LARP4: variants seen among roughly 807,000 people sequenced by gnomAD.
LARP4 encodes the protein La ribonucleoprotein 4, also known as la-related protein 4.
A neutral mutation model predicts 92.9 loss-of-function variants in LARP4; 29 were observed. That is an observed-to-expected ratio of 0.31 (90% CI 0.23 to 0.43). The LOEUF is 0.43. LARP4 is among the 20% of genes least tolerant of loss of function. The probability of loss-of-function intolerance (pLI) is 1.00; values close to 1 mark genes in which losing one functional copy is unlikely to be tolerated. For missense variants in LARP4, 732 were observed against 860.0 expected, an observed-to-expected ratio of 0.85 and a Z score of 1.86; for synonymous variants, 279 against 284.1, an observed-to-expected ratio of 0.98 and a Z score of 0.18.
chr12:50,436,515 C>T (rs965184352), intron 5 of LARP4, among the ~76,000 whole-genome samples: 6 of 152,108 alleles, frequency 3.9e-5, no homozygotes, highest in Non-Finnish European at 8.8e-5. Context: ...ACACCATATA[C>T]CTACACCTGA....
chr12:50,419,748 C>T (rs1480410646), intron 1 of LARP4, among the ~76,000 whole-genome samples: 1 of 151,916 alleles, frequency 6.6e-6, no homozygotes, highest in African/African-American at 2.4e-5. Flanking sequence ...TCTACAAAAA[C>T]AAAAACAACC....
chr12:50,434,488 G>A (rs1024097041), intron 4 of LARP4, among the ~76,000 whole-genome samples: 1 of 148,248 alleles, frequency 6.7e-6, no homozygotes, highest in Non-Finnish European at 1.5e-5. Flanking sequence ...GCGTGATCTC[G>A]GCTCATTGCA....
intron 8 of LARP4, among the ~76,000 whole-genome samples, chr12:50,451,875 G>T (rs1223626201): frequency 6.6e-6 from 1 of 151,920 alleles, no homozygotes; most frequent in Non-Finnish European, 1.5e-5. Flanking sequence ...GTGTTGGTGG[G>T]TGCCTCTAAT....
At chr12:50,455,681 C>G (rs1436671964) in intron 10 of LARP4, among the ~76,000 whole-genome samples, 1 of 152,146 alleles carries the variant, frequency 6.6e-6, no homozygotes, top group Non-Finnish European at 1.5e-5. Flanking sequence ...ATTCTTCTCA[C>G]TGGAAACATT....
chr12:50,469,978 G>A (rs1956726565), intron 13 of LARP4, among the ~76,000 whole-genome samples: 1 of 152,074 alleles, frequency 6.6e-6, no homozygotes, highest in Admixed American at 6.5e-5. Context: ...CCAGCACTGT[G>A]GGGGTCCAAG....
intron 12 of LARP4, among the ~76,000 whole-genome samples, chr12:50,463,170 G>A (rs149094527): frequency 1.6e-4 from 24 of 151,092 alleles, no homozygotes; most frequent in African/African-American, 4.4e-4. Flanking sequence ...GCCAGGCACC[G>A]TGGCTCGTGC....
At chr12:50,450,506 T>G (rs1433423002) in intron 8 of LARP4, among the ~76,000 whole-genome samples, 1 of 152,174 alleles carries the variant, frequency 6.6e-6, no homozygotes, top group African/African-American at 2.4e-5. Flanking sequence ...CAATTTAAAT[T>G]CAGGCTGTAT....
intron 1 of LARP4, among the ~76,000 whole-genome samples, chr12:50,410,311 G>A (rs1396738493): frequency 1.3e-5 from 2 of 151,800 alleles, no homozygotes; most frequent in African/African-American, 2.4e-5. Context: ...GGCCTCAAAC[G>A]ATCCTCCCAT....
intron 1 of LARP4, among the ~76,000 whole-genome samples, chr12:50,418,061 A>G (rs887282302): frequency 4.6e-5 from 7 of 152,210 alleles, no homozygotes; most frequent in Non-Finnish European, 8.8e-5. Context: ...GGGTTTCACC[A>G]CATTGGCCAG....
At chr12:50,419,320 G>A (rs1356430254) in intron 1 of LARP4, among the ~76,000 whole-genome samples, 2 of 152,152 alleles carry the variant, frequency 1.3e-5, no homozygotes, top group Non-Finnish European at 2.9e-5. Flanking sequence ...AGCCTTGATG[G>A]TGCCACTGCA....
chr12:50,414,513 G>A (rs1223831876), intron 1 of LARP4, among the ~76,000 whole-genome samples: 1 of 152,154 alleles, frequency 6.6e-6, no homozygotes, highest in African/African-American at 2.4e-5. Context: ...GTGTTGCCCA[G>A]GCTGATCTTG....
intron 1 of LARP4, among the ~76,000 whole-genome samples, chr12:50,415,113 G>C (rs1446378932): frequency 6.6e-6 from 1 of 152,170 alleles, no homozygotes; most frequent in African/African-American, 2.4e-5. Flanking sequence ...TGAGGCAGGA[G>C]AATCGCTTGA....
intron 1 of LARP4, among the ~76,000 whole-genome samples, chr12:50,423,307 T>G (rs529961728): frequency 6.6e-6 from 1 of 152,346 alleles, no homozygotes; most frequent in South Asian, 2.1e-4. Context: ...AAGCTAATTT[T>G]CTATGACATA....
chr12:50,402,741 A>G (rs1288002408), intron 1 of LARP4: 1 of 454,256 alleles, frequency 2.2e-6, no homozygotes, highest in Non-Finnish European at 4.4e-6. Flanking sequence ...TTTAACTGGG[A>G]TTTAGATCCA....
chr12:50,440,648 C>A, intron 7 of LARP4, 99 bp downstream of exon 7: 1 of 787,776 alleles, frequency 1.3e-6, no homozygotes, highest in Non-Finnish European at 2.1e-6. Flanking sequence ...TGATGTTTAT[C>A]AAGACTAGTG....
At chr12:50,460,268 G>A (rs955794157) in intron 10 of LARP4, among the ~76,000 whole-genome samples, 3 of 152,192 alleles carry the variant, frequency 2.0e-5, no homozygotes, top group African/African-American at 7.2e-5. Flanking sequence ...TAAGGTAGAA[G>A]TAAGTTTCTT....
chr12:50,403,502 A>G lies in LARP4; in HGVS notation c.18+2474A>G, dbSNP rs554953816. 5.3e-5 allele frequency among the ~76,000 whole-genome samples: 8 copies of G among 152,380 alleles called. No homozygotes were observed. The South Asian group carries it at 1.4e-3, about 28-fold the overall frequency. On this transcript the variant is annotated intron_variant, in intron 1 of 15. Coordinates refer to ENST00000398473, the MANE Select transcript of LARP4 (RefSeq NM_052879.5). Reference sequence around the variant, plus strand: ...ATATTAGACATTTTAAAATATTTTGATAACTGCGTTTCAATATAATTGGTT... The same window carrying G: ...ATATTAGACATTTTAAAATATTTTGGTAACTGCGTTTCAATATAATTGGTT...
intron 10 of LARP4, among the ~76,000 whole-genome samples, chr12:50,457,190 C>T (rs1954433370): frequency 6.7e-6 from 1 of 149,234 alleles, no homozygotes; most frequent in African/African-American, 2.5e-5. Context: ...GCATGAGCCA[C>T]CATACCCGGC....
intron 5 of LARP4, 92 bp from the exon 6 acceptor site, chr12:50,437,643 C>T: frequency 4.4e-6 from 3 of 680,710 alleles, no homozygotes; most frequent in Non-Finnish European, 7.4e-6. Flanking sequence ...CAAATTTACT[C>T]AGTTGGAAAT....
Sources: allele counts gnomAD v4.1 joint callset (sites outside exome capture counted in the v4.1 genomes callset), GRCh38; gene constraint gnomAD v4.1.1; transcripts MANE v1.5; gene names NCBI Gene and HGNC (gene_info 2026-07-23, HGNC 2026-07-21).